Variants in NLRP13 observed in about 807,000 individuals in gnomAD.
NLRP13 encodes NACHT, LRR and PYD domains-containing protein 13.
In NLRP13, 82 loss-of-function variants were observed where a neutral mutation model predicts 94.4. The ratio of observed to expected loss-of-function variants is 0.87; its 90% confidence interval spans 0.73 to 1.04. NLRP13 has a LOEUF of 1.04. NLRP13 is among the 50% of genes least tolerant of loss of function. The probability of loss-of-function intolerance (pLI) is 0.00; values close to 1 mark genes in which losing one functional copy is unlikely to be tolerated. For missense variants in NLRP13, 1,426 were observed against 1,230.8 expected (o/e 1.16, Z -2.37); for synonymous variants, 553 against 464.7 (o/e 1.19, Z -2.45).
At chr19:55,908,506 G>A (rs1317462764) in intron 6 of NLRP13, among the ~76,000 whole-genome samples, 1 of 152,140 alleles carries the variant, frequency 6.6e-6, no homozygotes, top group Admixed American at 6.5e-5. Context: ...CAATAGCAAA[G>A]ACAGGAAATC....
intron 6 of NLRP13, among the ~76,000 whole-genome samples, chr19:55,909,769 G>A (rs1188357563): frequency 6.6e-6 from 1 of 152,152 alleles, no homozygotes; most frequent in Non-Finnish European, 1.5e-5. Context: ...TGGCTTTGTT[G>A]ATATCATTTG....
intron 7 of NLRP13, among the ~76,000 whole-genome samples, chr19:55,907,120 G>A (rs1356917300): frequency 3.3e-5 from 5 of 151,946 alleles, no homozygotes; most frequent in African/African-American, 4.8e-5. Flanking sequence ...CACCACACCC[G>A]GCTAATTTTT....
intron 4 of NLRP13, among the ~76,000 whole-genome samples, chr19:55,915,130 A>G (rs1986644299): frequency 6.6e-6 from 1 of 152,206 alleles, no homozygotes; most frequent in African/African-American, 2.4e-5. Context: ...TCTGTGATGT[A>G]CTGCATAGCA....
chr19:55,902,282 C>A, intron 8 of NLRP13, 77 bp from the exon 9 acceptor site: 3 of 1,260,082 alleles, frequency 2.4e-6, no homozygotes, highest in Admixed American at 2.3e-5. Flanking sequence ...AGCCTCAGGG[C>A]CCCCTCCGAG....
downstream of NLRP13, among the ~76,000 whole-genome samples, chr19:55,895,766 C>T (rs573166486): frequency 7.2e-5 from 11 of 152,296 alleles, no homozygotes; most frequent in East Asian, 5.8e-4. Flanking sequence ...GATGAGATGC[C>T]GCTCGTGGCT....
At chr19:55,923,825 G>T in intron 4 of NLRP13, 89 bp downstream of exon 4, 3 of 891,342 alleles carry the variant, frequency 3.4e-6, no homozygotes, top group Admixed American at 1.8e-5. Context: ...TGAAGAAAAT[G>T]TCAGTATGAG....
intron 8 of NLRP13, among the ~76,000 whole-genome samples, chr19:55,902,857 CAT>C (rs1315065724): frequency 2.0e-5 from 3 of 149,008 alleles, no homozygotes; most frequent in African/African-American, 7.4e-5. Context: ...TTGCATAATA[CAT>C]ATATCATAAT....
chr19:55,930,932 T>G (rs945284952), intron 1 of NLRP13, among the ~76,000 whole-genome samples: 52 of 114,420 alleles, frequency 4.5e-4, no homozygotes, highest in African/African-American at 2.1e-3. Flanking sequence ...AGCATGGTTT[T>G]ATACTTGCTG....
chr19:55,909,029 A>C (rs970333242), intron 6 of NLRP13, among the ~76,000 whole-genome samples: 1 of 150,232 alleles, frequency 6.7e-6, no homozygotes, highest in African/African-American at 2.5e-5. Flanking sequence ...TTTCACTCTT[A>C]ACTGGTTGAA....
At position 55,910,596 on chromosome 19, in the gene NLRP13, A is replaced by G. The variant is rs191043108; in HGVS notation, c.2249T>C (p.Leu750Pro). 7.5e-6 allele frequency: 12 copies of G among 1,606,740 alleles called. No homozygotes were observed. The highest frequency in any genetic ancestry group is 2.7e-5 in the African/African-American group (2 of 74,874). ...ASSVKGLCLALKNPRCKVQKL... is the reference protein window; with the variant it reads ...ASSVKGLCLAPKNPRCKVQKL... ...CTGGACTTTGCATCTTGGATTTTTCAGTGCAAGACAGAGACCCTTCACAGA... is the reference window on the plus strand; with the variant it reads ...CTGGACTTTGCATCTTGGATTTTTCGGTGCAAGACAGAGACCCTTCACAGA... The change falls in exon 6 of 11, where the codon CTG becomes CCG. Residue 750 changes from leucine (L) to proline (P), a missense_variant. Coordinates refer to ENST00000342929, the MANE Select transcript of NLRP13 (RefSeq NM_176810.2).
intron 6 of NLRP13, among the ~76,000 whole-genome samples, 166 bp downstream of exon 6, chr19:55,910,397 G>C (rs1352491714): frequency 6.6e-6 from 1 of 152,256 alleles, no homozygotes; most frequent in South Asian, 2.1e-4. Flanking sequence ...TAAAATTTCA[G>C]CCTACTTTGC....
In NLRP13 at chr19:55,904,965, G is replaced by A; in HGVS notation, c.2595C>T (p.Pro865=). Residue 865 remains proline (P), a synonymous_variant, in exon 8 of 11, where the codon CCC becomes CCT. Coordinates refer to ENST00000342929, the MANE Select transcript of NLRP13 (RefSeq NM_176810.2). ...ACTCCAGTCTCTCTAAGGCACACTT[G>A]GGGTGAGTCAGGGCCGCACACAATA... The part of the protein sequence containing the change: ...IKLLCAALTH[P]KCALERLELW... The A allele has an allele frequency of 6.2e-7, 1 of 1,613,890 alleles. No homozygotes were observed. The highest frequency in any genetic ancestry group is 8.5e-7 in the Non-Finnish European group (1 of 1,179,868).
intron 4 of NLRP13, among the ~76,000 whole-genome samples, chr19:55,920,752 G>A (rs558894624): frequency 3.3e-5 from 5 of 151,718 alleles, no homozygotes; most frequent in Non-Finnish European, 5.9e-5. Flanking sequence ...TCACTATTGG[G>A]TATCTATTCT....
intron 4 of NLRP13, 57 bp from the exon 5 acceptor site, chr19:55,913,350 G>T (rs745548731): frequency 4.8e-5 from 74 of 1,528,868 alleles, no homozygotes; most frequent in Non-Finnish European, 6.4e-5. Context: ...AGTTAGGAAT[G>T]ATTCAGTTAC....
chr19:55,923,946 T>A lies in NLRP13; in HGVS notation c.491A>T (p.Asn164Ile). 1 of 1,613,968 alleles carries A rather than the reference T, an allele frequency of 6.2e-7. No individual in the cohort carries two copies. The highest frequency in any genetic ancestry group is 8.5e-7 in the Non-Finnish European group (1 of 1,179,866). The stretch of plus-strand genomic sequence containing the variant: ...CTCTAGCATCTCTGGTTCTTCTTGG[T>A]TTGGATCTTGGCATCCCTGGGCCTG... Reference protein sequence around the residue: ...NVQAQGCQDPNQEEPEMLEEA... With the variant: ...NVQAQGCQDPIQEEPEMLEEA... Residue 164 changes from asparagine (N) to isoleucine (I), a missense_variant, in exon 4 of 11, where the codon AAC (asparagine) becomes ATC (isoleucine). Transcript: ENST00000342929.
At chr19:55,927,072 T>C (rs1986982913) in intron 1 of NLRP13, among the ~76,000 whole-genome samples, 1 of 150,824 alleles carries the variant, frequency 6.6e-6, no homozygotes, top group Non-Finnish European at 1.5e-5. Flanking sequence ...TAGATTTAAG[T>C]ATAAAAGGTA....
downstream of NLRP13, chr19:55,892,174 A>G (rs766272337): frequency 2.0e-4 from 237 of 1,203,530 alleles, 1 homozygote; most frequent in Middle Eastern, 1.3e-3. Context: ...TTTAGAAGTA[A>G]TTTTTAATTT....
At chr19:55,899,649 G>A (rs555702597) in intron 9 of NLRP13, among the ~76,000 whole-genome samples, 13 of 152,056 alleles carry the variant, frequency 8.5e-5, no homozygotes, top group Non-Finnish European at 1.0e-4. Flanking sequence ...GCGTGGTGGC[G>A]GGTGCCTGCA....
At chr19:55,925,093 A>C in intron 1 of NLRP13, 58 bp from the exon 2 acceptor site, 1 of 1,467,454 alleles carries the variant, frequency 6.8e-7, no homozygotes, top group Non-Finnish European at 9.6e-7. Context: ...TGGACCAGCA[A>C]TAATGGAGTC....
Sources: allele counts gnomAD v4.1 joint callset (sites outside exome capture counted in the v4.1 genomes callset), GRCh38; gene constraint gnomAD v4.1.1; transcripts MANE v1.5; gene names NCBI Gene and HGNC (gene_info 2026-07-23, HGNC 2026-07-21).